CNTN5: variants seen among roughly 807,000 people sequenced by gnomAD.
The protein encoded by CNTN5 is contactin-5.
In CNTN5, 77 loss-of-function variants were observed where a neutral mutation model predicts 129.1. The observed-to-expected ratio is 0.60, with a 90% confidence interval of 0.50 to 0.72. CNTN5 has a LOEUF of 0.72. Ranked by LOEUF, CNTN5 falls within the 30% of genes least tolerant of loss-of-function variation. The probability of loss-of-function intolerance (pLI) is 0.00; values close to 1 mark genes in which losing one functional copy is unlikely to be tolerated. For synonymous variants in CNTN5, 509 were observed against 465.6 expected, an observed-to-expected ratio of 1.09 and a Z score of -1.20; for missense variants, 1,478 against 1,328.8, an observed-to-expected ratio of 1.11 and a Z score of -1.75.
intron 1 of CNTN5, among the ~76,000 whole-genome samples, chr11:99,238,507 A>G (rs1419173072): frequency 6.6e-6 from 1 of 152,176 alleles, no homozygotes; most frequent in African/African-American, 2.4e-5. Context: ...TTTTGAAACA[A>G]CTTAGTTTGA....
intron 7 of CNTN5, among the ~76,000 whole-genome samples, chr11:99,947,036 T>TTCATCATGAATATGATATAA: frequency 6.6e-6 from 1 of 151,424 alleles, no homozygotes; most frequent in South Asian, 2.1e-4. Flanking sequence ...GAGTATGTTT[T>TTCATCATGAATATGATATAA]ACATTATAAA....
intron 2 of CNTN5, among the ~76,000 whole-genome samples, chr11:99,330,765 T>G (rs900333681): frequency 6.6e-6 from 1 of 152,180 alleles, no homozygotes; most frequent in African/African-American, 2.4e-5. Context: ...TTGAAAACTC[T>G]CAGTCATTTT....
intron 2 of CNTN5, among the ~76,000 whole-genome samples, chr11:99,398,718 G>T (rs749302731): frequency 6.6e-6 from 1 of 151,910 alleles, no homozygotes; most frequent in South Asian, 2.1e-4. Context: ...ATATTCCATT[G>T]TATGGATGTC....
intron 3 of CNTN5, among the ~76,000 whole-genome samples, chr11:99,682,119 A>G (rs1185650202): frequency 6.6e-6 from 1 of 152,090 alleles, no homozygotes; most frequent in Non-Finnish European, 1.5e-5. Flanking sequence ...TGAATAATCT[A>G]TCATATAATG....
intron 3 of CNTN5, among the ~76,000 whole-genome samples, chr11:99,626,272 T>C (rs940213413): frequency 6.6e-6 from 1 of 152,076 alleles, no homozygotes; most frequent in African/African-American, 2.4e-5. Context: ...GAAAGGTTGC[T>C]TGGATCCAAA....
At chr11:99,613,355 G>A (rs1373179275) in intron 3 of CNTN5, among the ~76,000 whole-genome samples, 2 of 152,126 alleles carry the variant, frequency 1.3e-5, no homozygotes, top group Admixed American at 6.6e-5. Context: ...TGCAGTCTTG[G>A]GGAGAAGGGT....
intron 6 of CNTN5, among the ~76,000 whole-genome samples, chr11:99,873,710 T>A (rs182665729): frequency 9.2e-5 from 14 of 152,272 alleles, no homozygotes; most frequent in African/African-American, 3.4e-4. Context: ...CACTACTGGC[T>A]ATCTACTTAA....
intron 2 of CNTN5, among the ~76,000 whole-genome samples, chr11:99,506,524 C>T (rs1553517): frequency 0.052 from 7,830 of 151,994 alleles, 207 homozygotes; most frequent in South Asian, 0.085. Context: ...TTTAGGTAGA[C>T]GATTTGCGCC....
intron 2 of CNTN5, among the ~76,000 whole-genome samples, chr11:99,351,863 AG>A (rs1386682945): frequency 6.6e-6 from 1 of 152,238 alleles, no homozygotes; most frequent in Non-Finnish European, 1.5e-5. Flanking sequence ...AATGAAGCAT[AG>A]TTGAGTTTGA....
chr11:100,257,974 G>T lies in CNTN5; in HGVS notation c.2164+2056G>T, dbSNP rs551715234. Among the ~76,000 whole-genome samples the T allele has an allele frequency of 1.4e-3, 211 of 152,082 alleles. 1 individual carries two copies. Among genetic ancestry groups the T allele is most frequent in the African/African-American group, 5.0e-3 (208 of 41,524 alleles). Reference sequence around the variant, plus strand: ...TTGACAGAAGCAGGCATCAGAAGGTGGGTAATAACTCCTCCAAGCTAAAGG... The same window carrying T: ...TTGACAGAAGCAGGCATCAGAAGGTTGGTAATAACTCCTCCAAGCTAAAGG... On this transcript the variant is annotated intron_variant, in intron 17 of 24. Transcript: ENST00000524871.
intron 3 of CNTN5, among the ~76,000 whole-genome samples, chr11:99,701,566 G>C (rs904587246): frequency 6.6e-6 from 1 of 150,948 alleles, no homozygotes; most frequent in Admixed American, 6.6e-5. Context: ...TTCTGAATTT[G>C]AATTCAGATG....
intron 8 of CNTN5, among the ~76,000 whole-genome samples, chr11:99,998,888 A>G (rs896300326): frequency 2.7e-5 from 4 of 150,546 alleles, no homozygotes; most frequent in African/African-American, 4.9e-5. Flanking sequence ...CAAACCTGAC[A>G]AAAACAAGCA....
intron 2 of CNTN5, among the ~76,000 whole-genome samples, chr11:99,348,085 A>C (rs1028625771): frequency 2.0e-5 from 3 of 152,226 alleles, no homozygotes; most frequent in African/African-American, 7.2e-5. Context: ...ATTGCACAAA[A>C]GATCACTGCT....
chr11:99,769,589 C>T (rs1328706645), intron 3 of CNTN5, among the ~76,000 whole-genome samples: 2 of 151,972 alleles, frequency 1.3e-5, no homozygotes, highest in Non-Finnish European at 1.5e-5. Context: ...TCATGATACT[C>T]ACTTTGGGAG....
chr11:99,620,026 A>AAAAAAAAAAAAAAAAAACCAAAAAG (rs147088869), intron 3 of CNTN5, among the ~76,000 whole-genome samples: 4 of 105,744 alleles, frequency 3.8e-5, no homozygotes, highest in East Asian at 3.3e-4. Flanking sequence ...ACTCCGTCTC[A>AAAAAAAAAAAAAAAAAACCAAAAAG]AAAAAAAAAA....
At chr11:100,204,462 A>T (rs908019902) in intron 15 of CNTN5, among the ~76,000 whole-genome samples, 5 of 149,264 alleles carry the variant, frequency 3.3e-5, no homozygotes, top group Non-Finnish European at 7.4e-5. Flanking sequence ...AGATCTGTAA[A>T]TATAGATACA....
chr11:99,438,459 A>G (rs1053042317), intron 2 of CNTN5, among the ~76,000 whole-genome samples: 4 of 152,104 alleles, frequency 2.6e-5, no homozygotes, highest in African/African-American at 4.8e-5. Context: ...CTCTTACACA[A>G]TTTTAGGTCA....
At chr11:99,042,307 A>G (rs1591092788) in intron 1 of CNTN5, among the ~76,000 whole-genome samples, 2 of 150,384 alleles carry the variant, frequency 1.3e-5, no homozygotes, top group South Asian at 4.2e-4. Context: ...ATCATGGCAC[A>G]TGTATACCTA....
rs148675833 is a variant in CNTN5, at chr11:100,207,081, G to C, written c.1884+13418G>C. On this transcript the variant is annotated intron_variant, in intron 15 of 24. Transcript: ENST00000524871. The stretch of plus-strand genomic sequence containing the variant: ...GTACAGCATTAACCAGAGTATGGTT[G>C]AATAAGACCAGGCCAGTGTCACCCT... 7.7e-3 allele frequency among the ~76,000 whole-genome samples: 1,173 copies of C among 152,162 alleles called. 5 individuals are homozygous for C. Among genetic ancestry groups the C allele is most frequent in the Non-Finnish European group, 0.012 (788 of 67,978 alleles).
Sources: allele counts gnomAD v4.1 joint callset (sites outside exome capture counted in the v4.1 genomes callset), GRCh38; gene constraint gnomAD v4.1.1; transcripts MANE v1.5; gene names NCBI Gene and HGNC (gene_info 2026-07-23, HGNC 2026-07-21).